Variants in CDH13 observed in about 807,000 individuals in gnomAD.
The protein encoded by CDH13 is cadherin 13.
In CDH13, 24 loss-of-function variants were observed where a neutral mutation model predicts 63.8. The ratio of observed to expected loss-of-function variants is 0.38; its 90% CI spans 0.27 to 0.53. The LOEUF (loss-of-function observed/expected upper bound fraction) is 0.53. Ranked by LOEUF, CDH13 falls within the 20% of genes least tolerant of loss-of-function variation. The pLI, the probability that CDH13 is intolerant of heterozygous loss-of-function variation, is 0.85. For missense variants in CDH13, 1,049 were observed against 903.1 expected (o/e 1.16, Z -2.07); for synonymous variants, 503 against 355.3 (o/e 1.42, Z -4.67).
intron 5 of CDH13, among the ~76,000 whole-genome samples, chr16:83,240,797 A>G (rs967706586): frequency 2.3e-5 from 3 of 130,274 alleles, no homozygotes; most frequent in South Asian, 5.2e-4. Flanking sequence ...CCTGTGCTCA[A>G]GTGATCCTCC....
At chr16:82,975,365 A>G (rs1909355631) in intron 2 of CDH13, among the ~76,000 whole-genome samples, 1 of 152,180 alleles carries the variant, frequency 6.6e-6, no homozygotes, top group African/African-American at 2.4e-5. Flanking sequence ...AGACAGTGGC[A>G]GGCAGTGTGG....
chr16:83,116,243 G>C (rs1234014065), intron 3 of CDH13, among the ~76,000 whole-genome samples: 2 of 152,214 alleles, frequency 1.3e-5, no homozygotes, highest in Non-Finnish European at 2.9e-5. Context: ...GTCAGAGGTT[G>C]GCTCCCGGGA....
intron 6 of CDH13, among the ~76,000 whole-genome samples, chr16:83,468,416 C>G (rs1181080904): frequency 1.3e-5 from 2 of 152,122 alleles, no homozygotes. Context: ...GAGCACAGCC[C>G]CGCCCACACC....
chr16:82,660,014 A>C (rs1213587563), intron 1 of CDH13, among the ~76,000 whole-genome samples: 3 of 152,256 alleles, frequency 2.0e-5, no homozygotes, highest in Non-Finnish European at 4.4e-5. Flanking sequence ...ATATCTGCTC[A>C]CTGGAAAATG....
chr16:83,266,696 G>A (rs954761647), intron 5 of CDH13, among the ~76,000 whole-genome samples: 2 of 152,178 alleles, frequency 1.3e-5, no homozygotes, highest in South Asian at 2.1e-4. Context: ...CAATATTTCC[G>A]ATATGGATGT....
intron 10 of CDH13, among the ~76,000 whole-genome samples, chr16:83,700,547 T>C (rs1019911354): frequency 6.6e-6 from 1 of 152,214 alleles, no homozygotes; most frequent in Non-Finnish European, 1.5e-5. Flanking sequence ...TGGGGAATGA[T>C]CAGAGAATGG....
chr16:83,767,399 G>T (rs1000898834), intron 11 of CDH13, among the ~76,000 whole-genome samples: 1 of 152,142 alleles, frequency 6.6e-6, no homozygotes, highest in Non-Finnish European at 1.5e-5. Context: ...GAGTTCTCCT[G>T]CATGAGCTCC....
At chr16:83,238,441 T>C (rs1904283319) in intron 5 of CDH13, among the ~76,000 whole-genome samples, 1 of 152,054 alleles carries the variant, frequency 6.6e-6, no homozygotes, top group African/African-American at 2.4e-5. Context: ...TTCAATTACC[T>C]CCCACCAGGT....
intron 2 of CDH13, among the ~76,000 whole-genome samples, chr16:82,936,718 A>G (rs1417056205): frequency 6.6e-6 from 1 of 152,192 alleles, no homozygotes; most frequent in Non-Finnish European, 1.5e-5. Context: ...GCCAATGACC[A>G]AGGCATATGT....
At chr16:83,450,092 C>T (rs2072843618) in intron 6 of CDH13, among the ~76,000 whole-genome samples, 1 of 152,168 alleles carries the variant, frequency 6.6e-6, no homozygotes, top group Admixed American at 6.5e-5. Flanking sequence ...AGCACGGTGC[C>T]TACTGGGGAA....
At chr16:83,163,263 A>T (rs1242404709) in intron 4 of CDH13, among the ~76,000 whole-genome samples, 1 of 152,070 alleles carries the variant, frequency 6.6e-6, no homozygotes, top group Non-Finnish European at 1.5e-5. Flanking sequence ...CTTTATCAGT[A>T]GTGCAAAAAA....
At chr16:82,670,792 G>T (rs1442550151) in intron 1 of CDH13, among the ~76,000 whole-genome samples, 1 of 152,168 alleles carries the variant, frequency 6.6e-6, no homozygotes, top group Admixed American at 6.5e-5. Context: ...TTGGAATTGA[G>T]CATAATGTTG....
chr16:83,730,587 A>T lies in CDH13; in HGVS notation c.1539-17521A>T, dbSNP rs548232325. 3.4e-4 allele frequency among the ~76,000 whole-genome samples: 52 copies of T among 152,360 alleles called. No individual in the cohort carries two copies. In the South Asian group the frequency reaches 8.1e-3, roughly 24 times the overall value. Reference sequence around the variant, plus strand: ...ACGGTGGTATTCTTTTAAAAAATTCATACAATTGAACTGGGTACAAAGGAT... The same window carrying T: ...ACGGTGGTATTCTTTTAAAAAATTCTTACAATTGAACTGGGTACAAAGGAT... On this transcript the variant is annotated intron_variant, in intron 10 of 13. Coordinates refer to ENST00000567109, the MANE Select transcript of CDH13 (RefSeq NM_001257.5).
intron 2 of CDH13, among the ~76,000 whole-genome samples, chr16:82,975,240 A>T (rs1909334667): frequency 6.6e-6 from 1 of 152,236 alleles, no homozygotes; most frequent in Admixed American, 6.5e-5. Flanking sequence ...TGCACAAATC[A>T]TTAGGAAAGC....
At chr16:83,284,857 A>AAAG (rs2089269412) in intron 5 of CDH13, among the ~76,000 whole-genome samples, 1 of 152,200 alleles carries the variant, frequency 6.6e-6, no homozygotes. Context: ...TGAAGGAAAC[A>AAAG]AAGACCCAAG....
At chr16:83,318,053 C>T (rs940340457) in intron 5 of CDH13, among the ~76,000 whole-genome samples, 3 of 152,118 alleles carry the variant, frequency 2.0e-5, no homozygotes, top group African/African-American at 7.2e-5. Context: ...TCAGTTTTCC[C>T]TCTGTGAAGT....
chr16:82,841,359 A>T (rs2039002976), intron 1 of CDH13, among the ~76,000 whole-genome samples: 1 of 152,170 alleles, frequency 6.6e-6, no homozygotes, highest in Non-Finnish European at 1.5e-5. Context: ...ATCATGGGAG[A>T]TACTAGTGTG....
At chr16:83,281,773 C>A (rs1010285868) in intron 5 of CDH13, among the ~76,000 whole-genome samples, 1 of 151,134 alleles carries the variant, frequency 6.6e-6, no homozygotes, top group Admixed American at 6.6e-5. Flanking sequence ...CGTAGCCAAG[C>A]GTGGTGGCGC....
At chr16:82,698,742 A>T (rs1437346476) in intron 1 of CDH13, among the ~76,000 whole-genome samples, 1 of 152,170 alleles carries the variant, frequency 6.6e-6, no homozygotes, top group Non-Finnish European at 1.5e-5. Flanking sequence ...GGCGTGAAGA[A>T]TCGGAACATT....
Sources: gnomAD v4.1 joint callset for allele counts (sites outside exome capture counted in the v4.1 genomes callset) on GRCh38, gnomAD v4.1.1 for gene constraint, MANE v1.5 for transcripts, NCBI Gene and HGNC (gene_info 2026-07-23, HGNC 2026-07-21) for gene names.